FRMPD4: variants seen among roughly 807,000 people sequenced by gnomAD.
FRMPD4 encodes the protein FERM and PDZ domain containing 4.
Under a neutral mutation model 94.1 loss-of-function variants are expected in FRMPD4, and 22 were observed. The observed-to-expected ratio is 0.23, with a 90% CI of 0.17 to 0.33. The LOEUF (loss-of-function observed/expected upper bound fraction) is 0.33. Ranked by LOEUF, FRMPD4 falls within the 10% of genes least tolerant of loss-of-function variation. The pLI is 1.00. For synonymous variants in FRMPD4, 631 were observed against 548.6 expected (o/e 1.15, Z -2.10); for missense variants, 1,111 against 1,339.9 (o/e 0.83, Z 2.67).
chrX:12,230,056 TC>T (rs1259620135), intron 1 of FRMPD4, among the ~76,000 whole-genome samples: 19 of 111,492 alleles, frequency 1.7e-4, no homozygotes, highest in African/African-American at 5.9e-4. Context: ...CTACTGTTGT[TC>T]TATAGGCTCT....
chrX:12,251,148 A>G (rs1186945942), intron 1 of FRMPD4, among the ~76,000 whole-genome samples: 2 of 112,163 alleles, frequency 1.8e-5, no homozygotes, highest in African/African-American at 6.5e-5. Flanking sequence ...AGGAGATCCA[A>G]TTGATCAAAG....
intron 1 of FRMPD4, among the ~76,000 whole-genome samples, chrX:12,388,267 T>C (rs1309436227): frequency 8.9e-6 from 1 of 112,203 alleles, no homozygotes; most frequent in African/African-American, 3.2e-5. Flanking sequence ...TTCAAAAGTT[T>C]TAAAAAATCA....
intron 4 of FRMPD4, among the ~76,000 whole-genome samples, chrX:12,656,210 TAAAGGA>T (rs1404422531): frequency 1.8e-5 from 2 of 111,767 alleles, no homozygotes; most frequent in Non-Finnish European, 3.8e-5. Flanking sequence ...AAAAGTAAGG[TAAAGGA>T]AGACTAATTG....
chrX:12,585,036 G>A lies in FRMPD4; in HGVS notation c.159-24685G>A, dbSNP rs188597803. Among the ~76,000 whole-genome samples the A allele has an allele frequency of 1.1e-4, 12 of 111,080 alleles. No individual in the cohort carries two copies. In the East Asian group the frequency reaches 3.1e-3, roughly 29 times the overall value. Reference sequence around the variant, plus strand: ...TCCGAGTTCAAGTGGTTCTGCTTCAGCCTCCCCAGTAGCTGGGATTACAGG... The same window carrying A: ...TCCGAGTTCAAGTGGTTCTGCTTCAACCTCCCCAGTAGCTGGGATTACAGG... On this transcript the variant is annotated intron_variant, in intron 2 of 16. Transcript: ENST00000675598.
intron 2 of FRMPD4, among the ~76,000 whole-genome samples, chrX:12,509,436 G>A (rs895253981): frequency 8.9e-6 from 1 of 111,911 alleles, no homozygotes; most frequent in African/African-American, 3.2e-5. Flanking sequence ...CATTCACAGC[G>A]ACCTGGATGG....
intron 3 of FRMPD4, among the ~76,000 whole-genome samples, chrX:11,996,747 G>T: frequency 8.9e-6 from 1 of 111,800 alleles, no homozygotes; most frequent in Non-Finnish European, 1.9e-5. Flanking sequence ...TAGTCATTCT[G>T]CAAAGAACTT....
At chrX:12,234,104 T>A (rs2057043980) in intron 1 of FRMPD4, among the ~76,000 whole-genome samples, 1 of 111,445 alleles carries the variant, frequency 9.0e-6, no homozygotes, top group South Asian at 3.8e-4. Context: ...CGAGCAAAAA[T>A]GGACTGGTAA....
chrX:12,608,403 A>T (rs1319934609), intron 2 of FRMPD4, among the ~76,000 whole-genome samples: 1 of 113,016 alleles, frequency 8.8e-6, no homozygotes, highest in Non-Finnish European at 1.9e-5. Context: ...AAATTTTTGA[A>T]TGCTATACAA....
chrX:11,979,932 C>G (rs1304808645), intron 3 of FRMPD4, among the ~76,000 whole-genome samples: 1 of 111,152 alleles, frequency 9.0e-6, no homozygotes, highest in Non-Finnish European at 1.9e-5. Flanking sequence ...TTCTCCATAC[C>G]CAAAGTCATA....
intron 1 of FRMPD4, among the ~76,000 whole-genome samples, chrX:12,186,233 C>T (rs1056381099): frequency 9.0e-6 from 1 of 110,972 alleles, no homozygotes; most frequent in African/African-American, 3.3e-5. Flanking sequence ...ACTCACCTGT[C>T]GTGAAGTGCA....
rs55973946 is a variant in FRMPD4 at position 11,930,107 on chromosome X, C to CAAAAAAA, written c.95+52110_95+52116dup. 9.5e-3 allele frequency among the ~76,000 whole-genome samples: 126 copies of CAAAAAAA among 13,255 alleles called. 31 individuals are homozygous for CAAAAAAA. Among genetic ancestry groups the CAAAAAAA allele is most frequent in the East Asian group, 0.058 (23 of 400 alleles). The allele number at this position is 13,255 out of a possible 115,157, so 11.5% of individuals were successfully genotyped here. On this transcript the variant is annotated intron_variant, in intron 3 of 18. Coordinates refer to the FRMPD4 transcript ENST00000640291. ...TGGGCAACAGAGTGAGACTCTGTCT[C>CAAAAAAA]AAAAAAAAAAAAAAAAAAAAAAAAA...
intron 1 of FRMPD4, among the ~76,000 whole-genome samples, chrX:12,291,580 T>C (rs1017399264): frequency 2.7e-5 from 3 of 112,180 alleles, no homozygotes; most frequent in Non-Finnish European, 5.6e-5. Flanking sequence ...AACTTTATCA[T>C]TGCCAAATTT....
intron 4 of FRMPD4, among the ~76,000 whole-genome samples, chrX:12,649,233 CAG>C (rs1321557751): frequency 1.8e-5 from 2 of 111,899 alleles, no homozygotes; most frequent in Non-Finnish European, 3.8e-5. Flanking sequence ...TGCGTGGGGA[CAG>C]AGAGAGGAGC....
In FRMPD4 at chrX:12,419,561, C is replaced by T. The variant is rs1025226938; in HGVS notation, c.42-79119C>T. 1.1e-4 allele frequency among the ~76,000 whole-genome samples: 12 copies of T among 111,551 alleles called. No individual in the cohort carries two copies. The East Asian group carries it at 1.1e-3, about 10-fold the overall frequency. ...GTAAGCAACATGCACAAAAACTCTTCGGGGGTCCTCAAAAATGTTTCAGAG... is the reference window on the plus strand; with the variant it reads ...GTAAGCAACATGCACAAAAACTCTTTGGGGGTCCTCAAAAATGTTTCAGAG... On this transcript the variant is annotated intron_variant, in intron 1 of 16. Transcript: ENST00000675598.
chrX:11,828,906 T>C (rs2053459362), intron 1 of FRMPD4, among the ~76,000 whole-genome samples: 1 of 112,257 alleles, frequency 8.9e-6, no homozygotes, highest in Non-Finnish European at 1.9e-5. Context: ...CACTGACAAT[T>C]TTGGAAATGT....
chrX:12,445,541 A>C (rs2057185014), intron 1 of FRMPD4, among the ~76,000 whole-genome samples: 1 of 112,679 alleles, frequency 8.9e-6, no homozygotes, highest in Non-Finnish European at 1.9e-5. Context: ...CCTTTTGCTT[A>C]CATTCTCTCT....
Position 12,247,319 on chromosome X carries a change from T to G in FRMPD4, c.41+108307T>G, listed in dbSNP as rs2053970500. On this transcript the variant is annotated intron_variant, in intron 1 of 16. Coordinates refer to ENST00000675598, the MANE Select transcript of FRMPD4 (RefSeq NM_001368397.1). The stretch of plus-strand genomic sequence containing the variant: ...TCCTAGTTGAGAACCTCTGCTCCCT[T>G]CTGCCAGTTGCTGGGTGCTCCACGT... 2.7e-5 allele frequency among the ~76,000 whole-genome samples: 3 copies of G among 111,267 alleles called. 1 individual carries two copies. The Admixed American group carries it at 2.9e-4, about 11-fold the overall frequency.
intron 1 of FRMPD4, among the ~76,000 whole-genome samples, chrX:12,418,350 C>CTTTTTTTTTTTTTTTTTTTTTTT (rs540740432): frequency 4.9e-5 from 4 of 81,076 alleles, no homozygotes; most frequent in African/African-American, 1.4e-4. Context: ...GTGTTTCTTT[C>CTTTTTTTTTTTTTTTTTTTTTTT]TTTTTTTTTT....
intron 3 of FRMPD4, among the ~76,000 whole-genome samples, chrX:12,069,915 A>G (rs1313751860): frequency 9.1e-6 from 1 of 110,249 alleles, no homozygotes; most frequent in Non-Finnish European, 1.9e-5. Flanking sequence ...TGGTGGAATG[A>G]TGGAGAAAAA....
Sources: gnomAD v4.1 joint callset for allele counts (sites outside exome capture counted in the v4.1 genomes callset) on GRCh38, gnomAD v4.1.1 for gene constraint, MANE v1.5 for transcripts, NCBI Gene and HGNC (gene_info 2026-07-23, HGNC 2026-07-21) for gene names.